Variants in CABIN1 observed in about 807,000 individuals in gnomAD.
CABIN1 encodes calcineurin binding protein 1.
A neutral mutation model predicts 227.7 loss-of-function variants in CABIN1; 133 were observed. That is an observed-to-expected ratio of 0.58 (90% CI 0.51 to 0.67). The LOEUF (loss-of-function observed/expected upper bound fraction) is 0.67. Among genes scored for constraint, CABIN1 ranks in the 30% least tolerant of loss-of-function variants. The pLI, the probability that CABIN1 is intolerant of heterozygous loss-of-function variation, is 0.00. For missense variants in CABIN1, 2,408 were observed against 2,852.5 expected, an observed-to-expected ratio of 0.84 and a Z score of 3.55; for synonymous variants, 1,086 against 1,155.1, an observed-to-expected ratio of 0.94 and a Z score of 1.21.
At chr22:24,066,646 CGCAGTTCT>C (rs1569157806) in intron 15 of CABIN1, among the ~76,000 whole-genome samples, 2 of 152,176 alleles carry the variant, frequency 1.3e-5, no homozygotes, top group African/African-American at 4.8e-5. Context: ...CCCGATGTTC[CGCAGTTCT>C]GCAAGACTGG....
At chr22:24,065,839 C>T (rs143837162) in intron 15 of CABIN1, among the ~76,000 whole-genome samples, 3,042 of 152,302 alleles carry the variant, frequency 0.02, 105 homozygotes, top group African/African-American at 0.07. Context: ...CCGTCTCCAC[C>T]GAAAAAATAT....
Position 24,113,618 on chromosome 22 carries a change from G to A in CABIN1, c.4170G>A (p.Gln1390=). Residue 1390 remains glutamine, a synonymous_variant, in exon 27 of 37, where the codon CAG becomes CAA. Transcript: ENST00000263119. ...AVALSDSSST[Q]DFFNEPTSLL... The stretch of plus-strand genomic sequence containing the variant: ...CACTCTCAGACTCTAGCTCAACGCA[G>A]GACTTCTTTAATGAGCCCACCAGCT... 6.2e-7 allele frequency: 1 copy of A among 1,614,176 alleles called. No homozygotes were observed. The highest frequency in any genetic ancestry group is 1.1e-5 in the South Asian group (1 of 91,088).
At chr22:24,012,163 C>CT (rs1347824672) in intron 1 of CABIN1, among the ~76,000 whole-genome samples, 2 of 152,042 alleles carry the variant, frequency 1.3e-5, no homozygotes, top group African/African-American at 2.4e-5. Flanking sequence ...GTAGTTTAGG[C>CT]TTGGGGGGTC....
intron 23 of CABIN1, among the ~76,000 whole-genome samples, chr22:24,087,925 A>AT (rs5844585): frequency 0.29 from 43,727 of 152,106 alleles, 7,866 homozygotes; most frequent in African/African-American, 0.51. Context: ...GTGTAGACAA[A>AT]TTAGGGACAG....
intron 19 of CABIN1, among the ~76,000 whole-genome samples, chr22:24,078,314 A>T (rs867691871): frequency 6.6e-6 from 1 of 152,154 alleles, no homozygotes; most frequent in East Asian, 1.9e-4. Flanking sequence ...TTCTTGAATG[A>T]ATGAATGAAC....
chr22:24,074,318 A>G lies in CABIN1; in HGVS notation c.2632+1808A>G, dbSNP rs531224282. ...AAACTTTGAAAAGTACATCAAAGAA[A>G]GAGAGAGAGATTGGAAAGGAAAAAG... is the stretch of plus-strand genomic sequence containing the variant. On this transcript the variant is annotated intron_variant, in intron 18 of 36. Transcript: ENST00000263119. 9.5e-4 allele frequency among the ~76,000 whole-genome samples: 144 copies of G among 152,284 alleles called. 1 individual carries two copies. The highest frequency in any genetic ancestry group is 1.9e-3 in the Non-Finnish European group (127 of 67,988).
At position 24,038,411 on chromosome 22, in the gene CABIN1, G is replaced by T. The variant is rs1444403281; in HGVS notation, c.160G>T (p.Glu54Ter). ...TCTGCAGAAACATGACCGGTTTGAG[G>T]AGTCTGCCAAAGCCTACCATGAGCT... Reference protein sequence around the residue: ...LDLQKHDRFEESAKAYHELLE... With the variant: ...LDLQKHDRFE The change falls in exon 4 of 37, where the codon GAG becomes TAG. Residue 54 changes from glutamate to a stop codon, truncating the protein, a stop_gained. Coordinates refer to ENST00000263119, the MANE Select transcript of CABIN1 (RefSeq NM_012295.4). LOFTEE classifies it high-confidence loss of function. 2 of 1,614,012 alleles carry T rather than the reference G, an allele frequency of 1.2e-6. No individual in the cohort carries two copies. Among genetic ancestry groups the T allele is most frequent in the Non-Finnish European group, 1.7e-6 (2 of 1,180,030 alleles).
chr22:24,145,293 G>GGGCAGA (rs1474121543), intron 29 of CABIN1, among the ~76,000 whole-genome samples: 1 of 152,180 alleles, frequency 6.6e-6, no homozygotes, highest in African/African-American at 2.4e-5. Flanking sequence ...GCTGGGGCTG[G>GGGCAGA]GGCAGAGGCA....
At chr22:24,062,479 TC>T (rs888618204) in intron 13 of CABIN1, among the ~76,000 whole-genome samples, 10 of 149,012 alleles carry the variant, frequency 6.7e-5, no homozygotes, top group Non-Finnish European at 1.5e-4. Context: ...CATATCAGCC[TC>T]CCGAGGAGCT....
intron 29 of CABIN1, among the ~76,000 whole-genome samples, chr22:24,161,125 TC>T (rs1415503995): frequency 6.6e-6 from 1 of 152,204 alleles, no homozygotes; most frequent in East Asian, 1.9e-4. Context: ...CATAAATTAT[TC>T]AGATTGTTAA....
intron 1 of CABIN1, among the ~76,000 whole-genome samples, chr22:24,031,987 A>C (rs1422726100): frequency 6.6e-6 from 1 of 152,224 alleles, no homozygotes; most frequent in Non-Finnish European, 1.5e-5. Flanking sequence ...GAAATGGTAA[A>C]ATATGGAAAC....
At chr22:24,115,935 C>T (rs2043059104) in intron 27 of CABIN1, among the ~76,000 whole-genome samples, 1 of 152,226 alleles carries the variant, frequency 6.6e-6, no homozygotes, top group South Asian at 2.1e-4. Flanking sequence ...AGATCTGCAC[C>T]ATGCACTGGG....
intron 1 of CABIN1, among the ~76,000 whole-genome samples, chr22:24,019,130 T>TA (rs1555903468): frequency 1.5e-5 from 2 of 130,258 alleles, no homozygotes; most frequent in Non-Finnish European, 3.3e-5. Context: ...GTTTTTTTTT[T>TA]TTTTTTTTTT....
At chr22:24,096,472 C>G (rs2041901777) in intron 25 of CABIN1, among the ~76,000 whole-genome samples, 1 of 152,194 alleles carries the variant, frequency 6.6e-6, no homozygotes, top group Non-Finnish European at 1.5e-5. Flanking sequence ...TGTCTGCTGC[C>G]CATTCTCCTG....
Position 24,177,583 on chromosome 22 carries a change from C to T in CABIN1, c.6285C>T (p.Pro2095=), listed in dbSNP as rs752216444. ...AASETQPLSS[P]PTAASSKAPS... ...GTGAGACTCAGCCCCTGAGCTCTCCCCCAACAGCTGCCAGCTCCAAGGCCC... is the reference window on the plus strand; with the variant it reads ...GTGAGACTCAGCCCCTGAGCTCTCCTCCAACAGCTGCCAGCTCCAAGGCCC... The change falls in exon 36 of 37, where the codon CCC becomes CCT. Residue 2095 remains proline (P), a synonymous_variant. Coordinates refer to ENST00000263119, the MANE Select transcript of CABIN1 (RefSeq NM_012295.4). The surrounding 1 kb of genome is among the most constrained non-coding windows in gnomAD (Gnocchi z 4.4). 31 of 1,607,338 alleles carry T rather than the reference C, an allele frequency of 1.9e-5. No individual in the cohort carries two copies. The highest frequency in any genetic ancestry group is 3.3e-4 in the Middle Eastern group (2 of 6,056).
At chr22:24,016,187 C>T (rs992836483) in intron 1 of CABIN1, among the ~76,000 whole-genome samples, 3 of 152,200 alleles carry the variant, frequency 2.0e-5, no homozygotes, top group Admixed American at 2.0e-4. Context: ...AACCACAAAT[C>T]CACTTTCTGA....
At chr22:24,062,188 T>C (rs558298510) in intron 13 of CABIN1, among the ~76,000 whole-genome samples, 163 bp downstream of exon 13, 45 of 152,254 alleles carry the variant, frequency 3.0e-4, no homozygotes, top group African/African-American at 1.0e-3. Context: ...TCCTGGATAC[T>C]CAAGAAGTGG....
intron 1 of CABIN1, among the ~76,000 whole-genome samples, chr22:24,014,865 C>T (rs954800300): frequency 6.6e-6 from 1 of 152,206 alleles, no homozygotes; most frequent in Non-Finnish European, 1.5e-5. Context: ...TCTCGTGTTT[C>T]TTTCGCACAA....
At chr22:24,062,936 C>G in intron 13 of CABIN1, 23 bp from the exon 14 acceptor site, 1 of 1,612,044 alleles carries the variant, frequency 6.2e-7, no homozygotes. Context: ...ATGAAGTTGA[C>G]TCGTTGGCCT....
Sources: allele counts gnomAD v4.1 joint callset (sites outside exome capture counted in the v4.1 genomes callset), GRCh38; gene constraint gnomAD v4.1.1; non-coding constraint Gnocchi (gnomAD v3.1); transcripts MANE v1.5; gene names NCBI Gene and HGNC (gene_info 2026-07-23, HGNC 2026-07-21).